Variants in CCDC7 observed in about 807,000 individuals in gnomAD.
The protein encoded by CCDC7 is coiled-coil domain containing 7.
Under a neutral mutation model 196.9 loss-of-function variants are expected in CCDC7, and 183 were observed. The ratio of observed to expected loss-of-function variants is 0.93; its 90% CI spans 0.82 to 1.05. The LOEUF is 1.05. CCDC7 is among the 50% of genes least tolerant of loss of function. The probability of loss-of-function intolerance (pLI) is 0.00; values close to 1 mark genes in which losing one functional copy is unlikely to be tolerated. For synonymous variants in CCDC7, 525 were observed against 484.6 expected (o/e 1.08, Z -1.10); for missense variants, 1,540 against 1,482.2 (o/e 1.04, Z -0.64).
At chr10:32,614,242 TTTC>T (rs2062515487) in intron 18 of CCDC7, among the ~76,000 whole-genome samples, 1 of 149,844 alleles carries the variant, frequency 6.7e-6, no homozygotes, top group African/African-American at 2.5e-5. Context: ...TGGTTTTTTT[TTTC>T]TTTTCTTTTT....
At chr10:32,572,637 A>T (rs1003079346) in intron 16 of CCDC7, among the ~76,000 whole-genome samples, 82 of 152,102 alleles carry the variant, frequency 5.4e-4, no homozygotes, top group African/African-American at 1.8e-3. Flanking sequence ...TAAAAACTAT[A>T]TGTTTTAAAT....
chr10:32,554,164 A>T (rs2053969768), intron 13 of CCDC7, among the ~76,000 whole-genome samples: 1 of 152,120 alleles, frequency 6.6e-6, no homozygotes, highest in African/African-American at 2.4e-5. Context: ...TGTTGCTCCC[A>T]ACCTCCCCTG....
At chr10:32,880,357 G>T (rs2094745682), downstream of CCDC7, among the ~76,000 whole-genome samples, 1 of 152,122 alleles carries the variant, frequency 6.6e-6, no homozygotes, top group African/African-American at 2.4e-5. Flanking sequence ...CTTCTTTCGA[G>T]AAGTGTCTGT....
intron 15 of CCDC7, among the ~76,000 whole-genome samples, chr10:32,568,376 T>G (rs531581880): frequency 2.6e-5 from 4 of 152,180 alleles, no homozygotes; most frequent in Non-Finnish European, 5.9e-5. Context: ...AATACCAAAC[T>G]ATGACTTAAA....
At chr10:32,819,903 C>T (rs2089794043) in intron 31 of CCDC7, among the ~76,000 whole-genome samples, 1 of 152,160 alleles carries the variant, frequency 6.6e-6, no homozygotes, top group Non-Finnish European at 1.5e-5. Context: ...TGAAAACTGG[C>T]ACAAGACAGG....
At chr10:32,676,609 A>G (rs530540871) in intron 21 of CCDC7, among the ~76,000 whole-genome samples, 353 of 152,312 alleles carry the variant, frequency 2.3e-3, no homozygotes, top group Non-Finnish European at 3.9e-3. Flanking sequence ...GCCAAAAAAC[A>G]CATGAAAAAA....
intron 12 of CCDC7, 49 bp from the exon 14 acceptor site, chr10:32,544,198 G>T: frequency 6.7e-7 from 1 of 1,491,130 alleles, no homozygotes; most frequent in Non-Finnish European, 9.2e-7. Flanking sequence ...GCAAAGCAGT[G>T]ATGCATTTAA....
chr10:32,738,676 G>A (rs1378079624), intron 28 of CCDC7, among the ~76,000 whole-genome samples: 1 of 151,684 alleles, frequency 6.6e-6, no homozygotes, highest in Non-Finnish European at 1.5e-5. Flanking sequence ...TCTTTGCCAT[G>A]TTGCCCAGGC....
In CCDC7 at chr10:32,453,324, C is replaced by A; in HGVS notation, c.280-20C>A. On this transcript the variant is annotated intron_variant, in intron 1 of 41. Coordinates refer to ENST00000639629, the Ensembl canonical transcript of CCDC7. Reference sequence around the variant, plus strand: ...TTAAACTATTAAAGTATCTAATTGGCTTTTATTTTTTTTTTACAGGTTGTT... The same window carrying A: ...TTAAACTATTAAAGTATCTAATTGGATTTTATTTTTTTTTTACAGGTTGTT... 1 of 1,455,612 alleles carries A rather than the reference C, an allele frequency of 6.9e-7. No homozygotes were observed. Among genetic ancestry groups the A allele is most frequent in the Non-Finnish European group, 9.1e-7 (1 of 1,101,114 alleles). 90.2% of individuals were successfully genotyped at this position (1,455,612 alleles called of 1,614,324 possible).
chr10:32,456,185 A>G (rs2034295547), intron 2 of CCDC7, 66 bp from the exon 4 acceptor site: 1 of 1,340,270 alleles, frequency 7.5e-7, no homozygotes, highest in Admixed American at 2.7e-5. Context: ...TAAATATGCT[A>G]GAAAAAGACA....
At chr10:32,618,673 G>T (rs1224199387) in intron 18 of CCDC7, among the ~76,000 whole-genome samples, 1 of 151,600 alleles carries the variant, frequency 6.6e-6, no homozygotes, top group Admixed American at 6.6e-5. Context: ...AGTCAGATGT[G>T]GTTTCCTTTG....
intron 13 of CCDC7, among the ~76,000 whole-genome samples, chr10:32,552,295 G>A (rs528285125): frequency 4.6e-5 from 7 of 152,238 alleles, no homozygotes; most frequent in African/African-American, 1.7e-4. Flanking sequence ...GAGTCCTTAT[G>A]TGTTAGCGAG....
chr10:32,819,860 T>C (rs1054487185), intron 31 of CCDC7, among the ~76,000 whole-genome samples: 1 of 152,172 alleles, frequency 6.6e-6, no homozygotes, highest in African/African-American at 2.4e-5. Context: ...GCCAATATCA[T>C]ACTGAATGGG....
intron 9 of CCDC7, among the ~76,000 whole-genome samples, chr10:32,501,692 G>C (rs2044066579): frequency 6.6e-6 from 1 of 152,154 alleles, no homozygotes; most frequent in African/African-American, 2.4e-5. Flanking sequence ...AAAGATTGCT[G>C]CCTGTTCCTC....
chr10:32,696,048 A>T (rs1219342434), intron 24 of CCDC7, among the ~76,000 whole-genome samples: 17 of 151,872 alleles, frequency 1.1e-4, no homozygotes, highest in Non-Finnish European at 2.4e-4. Context: ...AGAGACAAAG[A>T]CACTAGCTTC....
At chr10:32,509,505 G>A (rs570532526) in intron 9 of CCDC7, among the ~76,000 whole-genome samples, 7 of 122,216 alleles carry the variant, frequency 5.7e-5, no homozygotes, top group Non-Finnish European at 1.0e-4. Flanking sequence ...TGATTTTTTT[G>A]GACATTACAC....
intron 11 of CCDC7, among the ~76,000 whole-genome samples, chr10:32,529,741 T>G (rs1259349257): frequency 2.0e-5 from 3 of 152,198 alleles, no homozygotes; most frequent in Non-Finnish European, 4.4e-5. Flanking sequence ...CTCTGTTGAT[T>G]GTTTCTTTTC....
At chr10:32,496,499 G>A (rs1007550188) in intron 9 of CCDC7, among the ~76,000 whole-genome samples, 4 of 151,932 alleles carry the variant, frequency 2.6e-5, no homozygotes, top group Non-Finnish European at 4.4e-5. Flanking sequence ...TGCCCATTCA[G>A]TATGATATAC....
chr10:32,843,882 C>G (rs2093130849), intron 33 of CCDC7, among the ~76,000 whole-genome samples: 1 of 151,774 alleles, frequency 6.6e-6, no homozygotes, highest in African/African-American at 2.4e-5. Context: ...TCTTATGTGT[C>G]TCGGTTCATT....
Sources: gnomAD v4.1 joint callset for allele counts (sites outside exome capture counted in the v4.1 genomes callset) on GRCh38, gnomAD v4.1.1 for gene constraint, MANE v1.5 for transcripts, NCBI Gene and HGNC (gene_info 2026-07-23, HGNC 2026-07-21) for gene names.